Variants in LIPI observed in about 807,000 individuals in gnomAD.
LIPI encodes lipase member I.
A neutral mutation model predicts 50.6 loss-of-function variants in LIPI; 59 were observed. The observed-to-expected ratio is 1.16, with a 90% confidence interval of 0.94 to 1.45. LIPI has a LOEUF of 1.45. Ranked by LOEUF, LIPI falls within the 40% of genes most tolerant of loss-of-function variation. The pLI is 0.00. For synonymous variants in LIPI, 203 were observed against 178.2 expected, an observed-to-expected ratio of 1.14 and a Z score of -1.11; for missense variants, 586 against 536.3, an observed-to-expected ratio of 1.09 and a Z score of -0.92.
chr21:14,206,157 G>A (rs1307673872), intron 1 of LIPI, among the ~76,000 whole-genome samples: 2 of 152,106 alleles, frequency 1.3e-5, no homozygotes, highest in Non-Finnish European at 2.9e-5. Flanking sequence ...GTGAAATTGA[G>A]AGCAAGGAGA....
rs767492356 is a variant in LIPI, at chr21:14,163,516, T to C, written c.909A>G (p.Gln303=). Residue 303 remains glutamine, a synonymous_variant, in exon 7 of 10, where the codon CAA becomes CAG. Coordinates refer to ENST00000681601, the MANE Select transcript of LIPI (RefSeq NM_001302998.2). ...KEKSCPRLGY[Q]AKLFKGVLKE... is the part of the protein sequence containing the mutation. ...TTAAAACACCTTTAAATAGCTTGGCTTGATAACCTGAGATTTGAGAAATAG... is the reference window on the plus strand; with the variant it reads ...TTAAAACACCTTTAAATAGCTTGGCCTGATAACCTGAGATTTGAGAAATAG... 5 of 1,498,516 alleles carry C rather than the reference T, an allele frequency of 3.3e-6. No homozygotes were observed. Among genetic ancestry groups the C allele is most frequent in the Non-Finnish European group, 4.7e-6 (5 of 1,075,228 alleles). 92.8% of individuals were successfully genotyped at this position (1,498,516 alleles called of 1,614,324 possible). A position where few individuals can be genotyped will look rare whatever the true frequency, so the allele number is the denominator to read the frequency against.
intron 9 of LIPI, among the ~76,000 whole-genome samples, chr21:14,111,257 T>C (rs534303905): frequency 5.3e-4 from 81 of 152,168 alleles, no homozygotes; most frequent in African/African-American, 1.9e-3. Flanking sequence ...TTGTTATAAC[T>C]TTTGTCTTTA....
intron 1 of LIPI, among the ~76,000 whole-genome samples, chr21:14,199,770 T>A (rs985918347): frequency 6.6e-6 from 1 of 151,974 alleles, no homozygotes. Flanking sequence ...ATCATCCTGA[T>A]ACCAAAATCT....
chr21:14,174,083 G>A (rs1039503126), intron 4 of LIPI, among the ~76,000 whole-genome samples: 2 of 152,148 alleles, frequency 1.3e-5, no homozygotes, highest in African/African-American at 2.4e-5. Context: ...CCAAGACTAG[G>A]GGTTTCCAGT....
rs762147682 is a variant in LIPI, at chr21:14,189,104, AT to A, written c.361del (p.Ile121PhefsTer14). The A allele has an allele frequency of 6.2e-7, 1 of 1,613,086 alleles. No individual in the cohort carries two copies. Among genetic ancestry groups the A allele is most frequent in the Non-Finnish European group, 8.5e-7 (1 of 1,179,974 alleles). On this transcript the variant is annotated frameshift_variant, in exon 2 of 10. Coordinates refer to ENST00000681601, the MANE Select transcript of LIPI (RefSeq NM_001302998.2). LOFTEE classifies it high-confidence loss of function. The part of the protein sequence containing the change: ...VDWSRGATTF[I>X]YNRAVKNTRK... ...GGTGTTTTTAACTGCTCTATTATAAATAAAAGTTGTAGCACCCCGGCTCCAG... is the reference window on the plus strand; with the variant it reads ...GGTGTTTTTAACTGCTCTATTATAAAAAAAGTTGTAGCACCCCGGCTCCAG...
chr21:14,154,389 A>G lies in LIPI; in HGVS notation c.1007-1705T>C, dbSNP rs564262180. Among the ~76,000 whole-genome samples, 244 of 152,186 alleles carry G rather than the reference A, an allele frequency of 1.6e-3. 1 individual carries two copies. Among genetic ancestry groups the G allele is most frequent in the African/African-American group, 5.7e-3 (237 of 41,556 alleles). ...AGGACATTTTCAGGAAAGACAAAAAAAGAAAAAGACTGAGAAAGACTACTA... is the reference window on the plus strand; with the variant it reads ...AGGACATTTTCAGGAAAGACAAAAAGAGAAAAAGACTGAGAAAGACTACTA... On this transcript the variant is annotated intron_variant, in intron 7 of 9. Coordinates refer to ENST00000681601, the MANE Select transcript of LIPI (RefSeq NM_001302998.2).
chr21:14,132,646 A>G (rs926730962), intron 9 of LIPI, among the ~76,000 whole-genome samples: 1 of 152,200 alleles, frequency 6.6e-6, no homozygotes, highest in African/African-American at 2.4e-5. Context: ...CACAGTTCTT[A>G]TAAAACACTC....
intron 9 of LIPI, among the ~76,000 whole-genome samples, chr21:14,111,987 A>G (rs1037688504): frequency 1.3e-5 from 2 of 152,048 alleles, no homozygotes; most frequent in African/African-American, 2.4e-5. Context: ...TAATTTTTCA[A>G]TTCGCATCCC....
At chr21:14,124,326 A>C (rs1446682643) in intron 9 of LIPI, among the ~76,000 whole-genome samples, 1 of 152,190 alleles carries the variant, frequency 6.6e-6, no homozygotes, top group Non-Finnish European at 1.5e-5. Context: ...GAAAGAATTC[A>C]TGAATTTTAC....
At chr21:14,115,829 G>T (rs1332819383) in intron 9 of LIPI, among the ~76,000 whole-genome samples, 2 of 152,146 alleles carry the variant, frequency 1.3e-5, no homozygotes, top group African/African-American at 2.4e-5. Context: ...ACCTCCCAGG[G>T]AACGACCACT....
chr21:14,185,655 A>C (rs1443365313), intron 3 of LIPI, among the ~76,000 whole-genome samples: 1 of 152,152 alleles, frequency 6.6e-6, no homozygotes, highest in Non-Finnish European at 1.5e-5. Context: ...AGGCAGGCAG[A>C]TTACTTGAGG....
intron 4 of LIPI, among the ~76,000 whole-genome samples, chr21:14,173,180 G>A (rs1032364012): frequency 6.6e-6 from 1 of 152,192 alleles, no homozygotes; most frequent in Non-Finnish European, 1.5e-5. Context: ...AGCCAGCGTG[G>A]CTGAAGTCTA....
chr21:14,166,971 T>A (rs927669559), intron 4 of LIPI, among the ~76,000 whole-genome samples: 12 of 152,108 alleles, frequency 7.9e-5, no homozygotes, highest in African/African-American at 2.7e-4. Flanking sequence ...AAAGAAAGGG[T>A]GACAGATGGC....
chr21:14,150,469 A>G (rs1311232722), intron 8 of LIPI, among the ~76,000 whole-genome samples: 1 of 152,188 alleles, frequency 6.6e-6, no homozygotes, highest in Non-Finnish European at 1.5e-5. Context: ...ACAATTATGC[A>G]TGAGTCTCCA....
At chr21:14,149,317 A>G (rs2212712) in intron 8 of LIPI, among the ~76,000 whole-genome samples, 129,367 of 152,128 alleles carry the variant, frequency 0.85, 55,527 homozygotes, top group East Asian at 0.97. Flanking sequence ...AGAATAATAT[A>G]GGGGAAACCA....
At chr21:14,196,169 A>AG (rs1555860391) in intron 1 of LIPI, among the ~76,000 whole-genome samples, 1 of 56,740 alleles carries the variant, frequency 1.8e-5, no homozygotes, top group African/African-American at 6.3e-5. Context: ...AAAAAAAAAC[A>AG]AAACAAGAAG....
chr21:14,170,223 T>G (rs553000526), intron 4 of LIPI, among the ~76,000 whole-genome samples: 1 of 152,140 alleles, frequency 6.6e-6, no homozygotes, highest in Non-Finnish European at 1.5e-5. Context: ...CAATAATCAA[T>G]AGCTTACCAA....
intron 5 of LIPI, 138 bp from the exon 6 acceptor site, chr21:14,165,528 T>C: frequency 3.2e-6 from 2 of 630,872 alleles, no homozygotes. Context: ...CACAGTTTTA[T>C]GTCAAACCAC....
chr21:14,122,484 T>C (rs11909816), intron 9 of LIPI, among the ~76,000 whole-genome samples: 10 of 152,220 alleles, frequency 6.6e-5, no homozygotes, highest in African/African-American at 2.4e-4. Context: ...AATCAGTTTC[T>C]ATATATTTTG....
Sources: allele counts gnomAD v4.1 joint callset (sites outside exome capture counted in the v4.1 genomes callset), GRCh38; gene constraint gnomAD v4.1.1; transcripts MANE v1.5; gene names NCBI Gene and HGNC (gene_info 2026-07-23, HGNC 2026-07-21).